CDKAL1: variants seen among roughly 807,000 people sequenced by gnomAD.
The protein encoded by CDKAL1 is threonylcarbamoyladenosine tRNA methylthiotransferase.
Under a neutral mutation model 68.2 loss-of-function variants are expected in CDKAL1, and 32 were observed. The observed-to-expected ratio is 0.47, with a 90% confidence interval of 0.35 to 0.63. The LOEUF (loss-of-function observed/expected upper bound fraction) is 0.63, where lower values mean the gene tolerates loss of function less well. Among genes scored for constraint, CDKAL1 ranks in the 30% least tolerant of loss-of-function variants. The pLI is 0.00. For missense variants in CDKAL1, 606 were observed against 696.7 expected (o/e 0.87, Z 1.47); for synonymous variants, 234 against 244.3 (o/e 0.96, Z 0.39).
At chr6:20,779,630 G>C (rs1296659451) in intron 7 of CDKAL1, among the ~76,000 whole-genome samples, 3 of 152,194 alleles carry the variant, frequency 2.0e-5, no homozygotes, top group Non-Finnish European at 4.4e-5. Flanking sequence ...TGTCACCCAG[G>C]TTGTAGCGCA....
intron 8 of CDKAL1, among the ~76,000 whole-genome samples, chr6:20,823,793 A>T (rs188528799): frequency 6.6e-6 from 1 of 152,312 alleles, no homozygotes; most frequent in Non-Finnish European, 1.5e-5. Context: ...ATTTTCAGCG[A>T]TTGAGAATTA....
chr6:21,022,278 A>T (rs1768708613), intron 11 of CDKAL1, among the ~76,000 whole-genome samples: 1 of 152,246 alleles, frequency 6.6e-6, no homozygotes, highest in African/African-American at 2.4e-5. Context: ...GTTATAAATA[A>T]ATAAACATAA....
At chr6:21,198,385 G>T (rs543766884) in intron 14 of CDKAL1, among the ~76,000 whole-genome samples, 1 of 152,288 alleles carries the variant, frequency 6.6e-6, no homozygotes, top group South Asian at 2.1e-4. Flanking sequence ...AATTAGCACT[G>T]CCAGAATTCC....
At chr6:20,924,691 T>C (rs1341959711) in intron 9 of CDKAL1, among the ~76,000 whole-genome samples, 2 of 152,202 alleles carry the variant, frequency 1.3e-5, no homozygotes, top group Admixed American at 6.5e-5. Flanking sequence ...AGTTTGAAGC[T>C]AGCAGAGGTT....
intron 7 of CDKAL1, among the ~76,000 whole-genome samples, chr6:20,759,743 C>G (rs1316276561): frequency 1.3e-5 from 2 of 152,102 alleles, no homozygotes; most frequent in Non-Finnish European, 2.9e-5. Flanking sequence ...GACATAGATT[C>G]TTATTGAAGT....
chr6:20,635,174 C>G (rs77403284), intron 4 of CDKAL1, among the ~76,000 whole-genome samples: 68 of 152,186 alleles, frequency 4.5e-4, no homozygotes, highest in African/African-American at 1.6e-3. Flanking sequence ...CATAGGTATC[C>G]TTACCATTTG....
intron 10 of CDKAL1, among the ~76,000 whole-genome samples, chr6:20,982,561 A>G (rs1185739022): frequency 6.6e-6 from 1 of 152,034 alleles, no homozygotes; most frequent in Non-Finnish European, 1.5e-5. Context: ...AAAAAAAATC[A>G]ACTATAAAAA....
intron 10 of CDKAL1, among the ~76,000 whole-genome samples, chr6:20,989,691 G>A (rs749780766): frequency 9.9e-5 from 15 of 152,148 alleles, no homozygotes; most frequent in Non-Finnish European, 1.9e-4. Flanking sequence ...AATTGTGTGT[G>A]GATTTTAAGG....
chr6:20,604,561 G>C (rs79042202), intron 4 of CDKAL1, among the ~76,000 whole-genome samples: 14,328 of 152,228 alleles, frequency 0.094, 781 homozygotes, highest in African/African-American at 0.12. Flanking sequence ...AGGGCATTCT[G>C]CATTGTATTG....
At chr6:20,917,748 G>GT (rs1301979178) in intron 9 of CDKAL1, among the ~76,000 whole-genome samples, 3 of 152,124 alleles carry the variant, frequency 2.0e-5, no homozygotes, top group African/African-American at 4.8e-5. Flanking sequence ...AGAACATACA[G>GT]TATCACATGT....
intron 8 of CDKAL1, among the ~76,000 whole-genome samples, chr6:20,823,242 T>A (rs1361710378): frequency 6.6e-6 from 1 of 152,220 alleles, no homozygotes; most frequent in Non-Finnish European, 1.5e-5. Flanking sequence ...CTGGTTCCAG[T>A]TATGGTTGTT....
chr6:20,783,901 C>T (rs1336882844), intron 8 of CDKAL1, among the ~76,000 whole-genome samples: 1 of 152,126 alleles, frequency 6.6e-6, no homozygotes, highest in East Asian at 1.9e-4. Context: ...TCTATGCATA[C>T]TCAAGTACCT....
At chr6:20,535,785 GATGTA>G (rs982143528) in intron 2 of CDKAL1, among the ~76,000 whole-genome samples, 1 of 152,162 alleles carries the variant, frequency 6.6e-6, no homozygotes, top group African/African-American at 2.4e-5. Context: ...CCCTCTGGGT[GATGTA>G]ATCCACATGC....
intron 6 of CDKAL1, among the ~76,000 whole-genome samples, chr6:20,745,722 TA>T (rs200192087): frequency 6.6e-6 from 1 of 151,066 alleles, no homozygotes; most frequent in Non-Finnish European, 1.5e-5. Flanking sequence ...GCTGATGAGC[TA>T]AAAAAAAATC....
chr6:20,844,703 CAG>C (rs1778308108), intron 8 of CDKAL1, among the ~76,000 whole-genome samples: 1 of 91,842 alleles, frequency 1.1e-5, no homozygotes, highest in African/African-American at 3.1e-5. Flanking sequence ...AAAAAAGAAA[CAG>C]AAAAACAAAA....
At chr6:20,826,537 A>G (rs781510295) in intron 8 of CDKAL1, among the ~76,000 whole-genome samples, 1 of 152,086 alleles carries the variant, frequency 6.6e-6, no homozygotes, top group Non-Finnish European at 1.5e-5. Context: ...TGACTCGCAC[A>G]TGGTATTTCT....
intron 8 of CDKAL1, among the ~76,000 whole-genome samples, chr6:20,828,673 C>T (rs1284648092): frequency 6.6e-6 from 1 of 152,142 alleles, no homozygotes; most frequent in Non-Finnish European, 1.5e-5. Context: ...TAGCATTAAC[C>T]AGTCTGTCGT....
chr6:20,998,080 T>C (rs564529819), intron 10 of CDKAL1, among the ~76,000 whole-genome samples: 1 of 152,120 alleles, frequency 6.6e-6, no homozygotes, highest in Non-Finnish European at 1.5e-5. Context: ...GTGTATTACA[T>C]GTCAAGATGT....
In CDKAL1 at chr6:20,937,997, T is replaced by A. The variant is rs540800082; in HGVS notation, c.743-17422T>A. On this transcript the variant is annotated intron_variant, in intron 9 of 15. Transcript: ENST00000274695. ...TCTGACAATTATTACTTGTGGTGTT[T>A]GCCAGATGTTGATTTTCCTATCTTA... Among the ~76,000 whole-genome samples, 3 of 152,324 alleles carry A rather than the reference T, an allele frequency of 2.0e-5. No homozygotes were observed. In the South Asian group the frequency reaches 6.2e-4, roughly 32 times the overall value.
Sources: allele counts gnomAD v4.1 joint callset (sites outside exome capture counted in the v4.1 genomes callset), GRCh38; gene constraint gnomAD v4.1.1; transcripts MANE v1.5; gene names NCBI Gene and HGNC (gene_info 2026-07-23, HGNC 2026-07-21).